UBR3: variants seen among roughly 807,000 people sequenced by gnomAD.
The protein encoded by UBR3 is ubiquitin protein ligase E3 component n-recognin 3, also known as E3 ubiquitin-protein ligase UBR3.
A neutral mutation model predicts 243.2 loss-of-function variants in UBR3; 85 were observed. The ratio of observed to expected loss-of-function variants is 0.35; its 90% CI spans 0.29 to 0.42. UBR3 has a LOEUF of 0.42. Among genes scored for constraint, UBR3 ranks in the 10% least tolerant of loss-of-function variants. The pLI is 1.00. For missense variants in UBR3, 1,686 were observed against 2,300.8 expected, an observed-to-expected ratio of 0.73 and a Z score of 5.47; for synonymous variants, 748 against 799.8, an observed-to-expected ratio of 0.94 and a Z score of 1.09.
chr2:169,967,265 G>GCCC (rs1400988737), intron 24 of UBR3, among the ~76,000 whole-genome samples: 9 of 36,136 alleles, frequency 2.5e-4, no homozygotes, highest in African/African-American at 8.6e-4. Context: ...TGCGCCCCCC[G>GCCC]CCCCCCCCCA....
At chr2:169,944,929 T>C (rs1445735689) in intron 20 of UBR3, among the ~76,000 whole-genome samples, 1 of 152,168 alleles carries the variant, frequency 6.6e-6, no homozygotes, top group East Asian at 1.9e-4. Flanking sequence ...TTTCTCTCCA[T>C]AACATAGTGG....
chr2:169,962,699 T>C (rs1367400270), intron 24 of UBR3, among the ~76,000 whole-genome samples: 4 of 152,220 alleles, frequency 2.6e-5, no homozygotes, highest in African/African-American at 7.2e-5. Context: ...GTTCTTACTA[T>C]GTGTATAGAA....
intron 7 of UBR3, among the ~76,000 whole-genome samples, chr2:169,896,166 T>G (rs758762731): frequency 1.3e-5 from 2 of 152,162 alleles, no homozygotes; most frequent in Non-Finnish European, 2.9e-5. Flanking sequence ...CGTGTGCCTG[T>G]AATCCCAGCT....
chr2:169,859,679 A>G (rs752317468), intron 1 of UBR3, among the ~76,000 whole-genome samples: 24 of 149,896 alleles, frequency 1.6e-4, no homozygotes, highest in Non-Finnish European at 3.0e-4. Context: ...TCTCTGGTGT[A>G]TTCTTCATTG....
intron 23 of UBR3, among the ~76,000 whole-genome samples, chr2:169,950,800 C>T (rs377599850): frequency 2.0e-5 from 3 of 151,596 alleles, no homozygotes; most frequent in Non-Finnish European, 4.4e-5. Flanking sequence ...ATTGCTGACC[C>T]TGCTGTCATA....
At chr2:169,954,096 G>C (rs1452165393) in intron 23 of UBR3, among the ~76,000 whole-genome samples, 1 of 152,058 alleles carries the variant, frequency 6.6e-6, no homozygotes, top group Non-Finnish European at 1.5e-5. Flanking sequence ...ATCAGAATTA[G>C]CAGATTGATA....
At chr2:169,840,986 C>CGTAG (rs2082269904) in intron 1 of UBR3, among the ~76,000 whole-genome samples, 2 of 152,266 alleles carry the variant, frequency 1.3e-5, no homozygotes, top group Non-Finnish European at 2.9e-5. Flanking sequence ...AACAGTTCTA[C>CGTAG]CCTCAAGGCC....
intron 33 of UBR3, among the ~76,000 whole-genome samples, chr2:170,056,414 G>A (rs1423927861): frequency 6.6e-6 from 1 of 152,138 alleles, no homozygotes; most frequent in Non-Finnish European, 1.5e-5. Flanking sequence ...GCTAAATTAT[G>A]CAAACTATTT....
chr2:169,940,676 A>G (rs1365974749), intron 19 of UBR3, among the ~76,000 whole-genome samples: 1 of 152,164 alleles, frequency 6.6e-6, no homozygotes, highest in African/African-American at 2.4e-5. Context: ...AAGTATGTTA[A>G]TATCCTTTAC....
chr2:170,071,446 C>G (rs1348594974), intron 35 of UBR3, among the ~76,000 whole-genome samples: 3 of 152,016 alleles, frequency 2.0e-5, no homozygotes, highest in Non-Finnish European at 2.9e-5. Flanking sequence ...CTGTTTGGGT[C>G]CAAAGAGTAG....
At chr2:169,870,980 AG>A (rs2083420297) in intron 1 of UBR3, among the ~76,000 whole-genome samples, 1 of 151,914 alleles carries the variant, frequency 6.6e-6, no homozygotes, top group Non-Finnish European at 1.5e-5. Context: ...AAAAAAAAAA[AG>A]ATCAATTTTT....
At chr2:169,882,522 C>T (rs2083930143) in intron 5 of UBR3, among the ~76,000 whole-genome samples, 1 of 150,702 alleles carries the variant, frequency 6.6e-6, no homozygotes, top group South Asian at 2.1e-4. Flanking sequence ...GGGCAGATCA[C>T]CTGAAGTCAG....
chr2:169,857,422 A>G (rs1000152274), intron 1 of UBR3, among the ~76,000 whole-genome samples: 2 of 150,602 alleles, frequency 1.3e-5, no homozygotes, highest in African/African-American at 4.9e-5. Flanking sequence ...AAATTTATTT[A>G]TTTATTTTTT....
chr2:169,977,644 C>G (rs2088516745), intron 24 of UBR3, among the ~76,000 whole-genome samples: 1 of 152,142 alleles, frequency 6.6e-6, no homozygotes, highest in Non-Finnish European at 1.5e-5. Flanking sequence ...CACCCTTCTG[C>G]CTGCTTTGTT....
At chr2:169,952,475 T>C (rs1269577803) in intron 23 of UBR3, among the ~76,000 whole-genome samples, 2 of 151,912 alleles carry the variant, frequency 1.3e-5, no homozygotes, top group African/African-American at 4.8e-5. Context: ...GGTGAGTGGA[T>C]CACAAGGTCA....
At chr2:169,969,937 CTTT>C (rs34413545) in intron 24 of UBR3, among the ~76,000 whole-genome samples, 63 of 89,726 alleles carry the variant, frequency 7.0e-4, no homozygotes, top group Non-Finnish European at 7.6e-4. Context: ...ATGCCTCCAG[CTTT>C]TTTTTTTTTT....
intron 8 of UBR3, 63 bp downstream of exon 8, chr2:169,896,798 T>A: frequency 8.5e-7 from 1 of 1,178,420 alleles, no homozygotes; most frequent in Non-Finnish European, 1.2e-6. Context: ...GTATTATTAG[T>A]GTACTTCATA....
chr2:169,970,235 GTTTTT>G, intron 24 of UBR3, among the ~76,000 whole-genome samples: 1 of 85,580 alleles, frequency 1.2e-5, no homozygotes, highest in South Asian at 4.1e-4. Context: ...TTGTTCCTAG[GTTTTT>G]TTTTTTTTTT....
intron 2 of UBR3, among the ~76,000 whole-genome samples, 173 bp downstream of exon 2, chr2:169,872,548 C>T (rs1428512457): frequency 6.6e-6 from 1 of 151,788 alleles, no homozygotes; most frequent in Non-Finnish European, 1.5e-5. Context: ...ATTATATAAC[C>T]TTATATGTTG....
Sources: allele counts gnomAD v4.1 joint callset (sites outside exome capture counted in the v4.1 genomes callset), GRCh38; gene constraint gnomAD v4.1.1; transcripts MANE v1.5; gene names NCBI Gene and HGNC (gene_info 2026-07-23, HGNC 2026-07-21).